MBOAT2: variants seen among roughly 807,000 people sequenced by gnomAD.
MBOAT2 encodes the protein membrane-bound glycerophospholipid O-acyltransferase 2.
In MBOAT2, 28 loss-of-function variants were observed where a neutral mutation model predicts 63.4. The ratio of observed to expected loss-of-function variants is 0.44; its 90% CI spans 0.33 to 0.61. MBOAT2 has a LOEUF of 0.61. Among genes scored for constraint, MBOAT2 ranks in the 20% least tolerant of loss-of-function variants. The pLI is 0.03. For synonymous variants in MBOAT2, 211 were observed against 215.6 expected, an observed-to-expected ratio of 0.98 and a Z score of 0.19; for missense variants, 470 against 605.8, an observed-to-expected ratio of 0.78 and a Z score of 2.35.
Position 8,890,306 on chromosome 2 carries a change from G to A in MBOAT2, c.396-2233C>T, listed in dbSNP as rs111357482. Among the ~76,000 whole-genome samples the A allele has an allele frequency of 7.5e-3, 1,140 of 152,068 alleles. 12 individuals carry two copies. Among genetic ancestry groups the A allele is most frequent in the South Asian group, 0.02 (97 of 4,810 alleles). On this transcript the variant is annotated intron_variant, in intron 4 of 12. Transcript: ENST00000305997. ...TGCCCACAAAAACACACACACACAC[G>A]CGCGCACGCAAATACTCTTCATTTC...
chr2:8,910,667 T>A lies in MBOAT2; in HGVS notation c.300-1951A>T, dbSNP rs75914365. 6.2e-3 allele frequency among the ~76,000 whole-genome samples: 945 copies of A among 152,256 alleles called. 9 individuals are homozygous for A. The highest frequency in any genetic ancestry group is 0.021 in the African/African-American group (890 of 41,532). On this transcript the variant is annotated intron_variant, in intron 3 of 12. Transcript: ENST00000305997. ...GTTTTTAAGAACCCCAAGGGTGTTG[T>A]CACACAGCACCCCAACTCTCAAAGT...
intron 3 of MBOAT2, among the ~76,000 whole-genome samples, chr2:8,937,080 C>T (rs887745103): frequency 1.3e-5 from 2 of 152,194 alleles, no homozygotes; most frequent in South Asian, 2.1e-4. Flanking sequence ...CCCTCTGCTT[C>T]TTCCCTGGGA....
At chr2:8,928,930 T>C (rs1352735375) in intron 3 of MBOAT2, among the ~76,000 whole-genome samples, 1 of 152,226 alleles carries the variant, frequency 6.6e-6, no homozygotes, top group East Asian at 1.9e-4. Context: ...CAGAGATCTC[T>C]GGATCAGATT....
intron 3 of MBOAT2, among the ~76,000 whole-genome samples, chr2:8,932,941 T>C (rs1667426067): frequency 1.3e-5 from 2 of 152,210 alleles, no homozygotes; most frequent in African/African-American, 4.8e-5. Flanking sequence ...GTTCATAATT[T>C]AGCAAGTCCC....
chr2:8,873,067 C>T (rs767237331), intron 8 of MBOAT2, 41 bp downstream of exon 8: 2 of 1,572,844 alleles, frequency 1.3e-6, no homozygotes, highest in Non-Finnish European at 1.7e-6. Flanking sequence ...GTAAGAAACG[C>T]TTCAACCAGA....
intron 7 of MBOAT2, 77 bp downstream of exon 7, chr2:8,876,953 T>G: frequency 7.4e-7 from 1 of 1,357,348 alleles, no homozygotes; most frequent in Middle Eastern, 2.2e-4. Context: ...AAGTTCACAA[T>G]GTGAAAATAT....
chr2:8,998,015 CCTCT>C (rs1449411872), intron 1 of MBOAT2, among the ~76,000 whole-genome samples: 1 of 152,232 alleles, frequency 6.6e-6, no homozygotes, highest in Non-Finnish European at 1.5e-5. Flanking sequence ...TCACTTTCCT[CCTCT>C]AAGTTTTTAT....
At chr2:8,972,269 A>C (rs953791969) in intron 1 of MBOAT2, among the ~76,000 whole-genome samples, 2 of 152,256 alleles carry the variant, frequency 1.3e-5, no homozygotes, top group African/African-American at 2.4e-5. Context: ...AAATGCGGAA[A>C]GGATTCCCTA....
intron 3 of MBOAT2, among the ~76,000 whole-genome samples, chr2:8,936,184 CT>C: frequency 6.6e-6 from 1 of 152,098 alleles, no homozygotes; most frequent in East Asian, 1.9e-4. Context: ...CAGAGTCTGT[CT>C]TTTTTATTCA....
At chr2:8,997,351 G>T (rs1672381389) in intron 1 of MBOAT2, among the ~76,000 whole-genome samples, 1 of 152,100 alleles carries the variant, frequency 6.6e-6, no homozygotes, top group African/African-American at 2.4e-5. Context: ...TACCTACAGA[G>T]GCAGTAACAA....
At chr2:8,889,959 T>C (rs1663867820) in intron 4 of MBOAT2, among the ~76,000 whole-genome samples, 2 of 151,952 alleles carry the variant, frequency 1.3e-5, no homozygotes, top group African/African-American at 2.4e-5. Context: ...ACGGGTGACA[T>C]GTGGCTGGGA....
At chr2:8,932,225 T>C (rs893137723) in intron 3 of MBOAT2, among the ~76,000 whole-genome samples, 1 of 152,188 alleles carries the variant, frequency 6.6e-6, no homozygotes, top group Non-Finnish European at 1.5e-5. Flanking sequence ...TAAAATACTA[T>C]TTTAAAGTCT....
intron 1 of MBOAT2, among the ~76,000 whole-genome samples, chr2:9,002,485 T>G (rs185221331): frequency 3.9e-5 from 6 of 152,314 alleles, no homozygotes; most frequent in Non-Finnish European, 7.4e-5. Flanking sequence ...TTCAAGACAG[T>G]GAACCAGTAT....
At chr2:8,995,797 T>C (rs1191619018) in intron 1 of MBOAT2, among the ~76,000 whole-genome samples, 1 of 152,132 alleles carries the variant, frequency 6.6e-6, no homozygotes, top group Non-Finnish European at 1.5e-5. Flanking sequence ...TTCACCGTGT[T>C]AGCCAGAATG....
intron 1 of MBOAT2, among the ~76,000 whole-genome samples, chr2:8,993,720 T>C (rs888136529): frequency 1.3e-5 from 2 of 152,100 alleles, no homozygotes; most frequent in African/African-American, 4.8e-5. Flanking sequence ...AGCTGCGGTG[T>C]TTTATGTCTG....
Position 8,853,894 on chromosome 2 carries a change from G to T in MBOAT2, c.*4785C>A, listed in dbSNP as rs981319906. On this transcript the variant is annotated 3_prime_UTR_variant, in exon 13 of 13. Coordinates refer to ENST00000305997, the MANE Select transcript of MBOAT2 (RefSeq NM_138799.4). ...TCCCAGTCAATGGCCTATGGAACGT[G>T]TCAGTTCTTTATTGGGATTTGCATA... 6.6e-6 allele frequency: 1 copy of T among 152,112 alleles called. No homozygotes were observed. Among genetic ancestry groups the T allele is most frequent in the Non-Finnish European group, 1.5e-5 (1 of 68,028 alleles). The allele number at this position is 152,112 out of a possible 1,614,324, so 9.4% of individuals were successfully genotyped here.
chr2:8,931,825 C>T (rs1020284888), intron 3 of MBOAT2, among the ~76,000 whole-genome samples: 1 of 152,158 alleles, frequency 6.6e-6, no homozygotes. Flanking sequence ...TTTTCAAGCA[C>T]CATTTATTAA....
At chr2:8,929,651 C>A (rs1004766599) in intron 3 of MBOAT2, among the ~76,000 whole-genome samples, 5 of 152,216 alleles carry the variant, frequency 3.3e-5, no homozygotes, top group Admixed American at 3.3e-4. Context: ...CCGCACCTGG[C>A]TGGCCCTAAC....
At chr2:8,868,621 T>G (rs1020586748) in intron 8 of MBOAT2, 72 bp from the exon 9 acceptor site, 6 of 1,214,156 alleles carry the variant, frequency 4.9e-6, no homozygotes, top group Non-Finnish European at 7.1e-6. Flanking sequence ...CCAGAAGGTA[T>G]GTGTTATTAT....
Sources: gnomAD v4.1 joint callset for allele counts (sites outside exome capture counted in the v4.1 genomes callset) on GRCh38, gnomAD v4.1.1 for gene constraint, MANE v1.5 for transcripts, NCBI Gene and HGNC (gene_info 2026-07-23, HGNC 2026-07-21) for gene names.